The following UBAP1 variants were observed in gnomAD, a reference collection of about 807,000 sequenced individuals.
UBAP1 encodes ubiquitin associated protein 1.
A neutral mutation model predicts 39.0 loss-of-function variants in UBAP1; 5 were observed. That is an observed-to-expected ratio of 0.13 (90% CI 0.07 to 0.27). The LOEUF (loss-of-function observed/expected upper bound fraction) is 0.27. Ranked by LOEUF, UBAP1 falls within the 10% of genes least tolerant of loss-of-function variation. UBAP1 has a pLI of 1.00. For missense variants in UBAP1, 490 were observed against 608.1 expected (o/e 0.81, Z 2.04); for synonymous variants, 211 against 225.1 (o/e 0.94, Z 0.56).
At chr9:34,202,624 CGTGT>C (rs56012034) in intron 1 of UBAP1, among the ~76,000 whole-genome samples, 10,152 of 106,998 alleles carry the variant, frequency 0.095, 537 homozygotes, top group Non-Finnish European at 0.1. Flanking sequence ...TAGACAGAAA[CGTGT>C]GTGTGTGTGT....
chr9:34,189,704 T>A (rs565106999), intron 1 of UBAP1, among the ~76,000 whole-genome samples: 1 of 152,214 alleles, frequency 6.6e-6, no homozygotes, highest in East Asian at 1.9e-4. Flanking sequence ...TGGTACAATC[T>A]TGGCTTACTG....
At chr9:34,180,161 C>G (rs1423697505) in intron 1 of UBAP1, among the ~76,000 whole-genome samples, 1 of 152,140 alleles carries the variant, frequency 6.6e-6, no homozygotes, top group Admixed American at 6.6e-5. Flanking sequence ...GTGGGAAAAA[C>G]AAGATACTTA....
At chr9:34,182,671 C>CTTTCTTTT (rs1421937903) in intron 1 of UBAP1, among the ~76,000 whole-genome samples, 1 of 87,946 alleles carries the variant, frequency 1.1e-5, no homozygotes, top group African/African-American at 4.3e-5. Context: ...TTCTTTCTTT[C>CTTTCTTTT]TTTCTTTCTT....
At chr9:34,217,048 C>T (rs1832362926) in intron 1 of UBAP1, among the ~76,000 whole-genome samples, 1 of 152,042 alleles carries the variant, frequency 6.6e-6, no homozygotes, top group Non-Finnish European at 1.5e-5. Context: ...ACCTCTCCGG[C>T]CTCTGGTAAT....
chr9:34,192,070 C>T (rs1353952914), intron 1 of UBAP1, among the ~76,000 whole-genome samples: 3 of 150,506 alleles, frequency 2.0e-5, no homozygotes, highest in African/African-American at 7.3e-5. Context: ...TCTCTAATTC[C>T]TGACCTCAAG....
intron 1 of UBAP1, among the ~76,000 whole-genome samples, chr9:34,198,715 C>T (rs895736000): frequency 6.6e-6 from 1 of 152,142 alleles, no homozygotes; most frequent in Non-Finnish European, 1.5e-5. Flanking sequence ...CCATTTCTTC[C>T]CTATGAGGCA....
chr9:34,237,450 A>G (rs935955425), intron 3 of UBAP1, among the ~76,000 whole-genome samples: 4 of 152,202 alleles, frequency 2.6e-5, no homozygotes, highest in Admixed American at 6.5e-5. Context: ...TTTATCTTCC[A>G]AAGTCTATAT....
At chr9:34,194,969 A>G (rs1830940255) in intron 1 of UBAP1, among the ~76,000 whole-genome samples, 2 of 152,166 alleles carry the variant, frequency 1.3e-5, no homozygotes, top group South Asian at 2.1e-4. Context: ...TACGTAACCT[A>G]GTAAGTTGCA....
At chr9:34,251,242 T>C in intron 6 of UBAP1, 150 bp from the exon 7 acceptor site, 1 of 817,254 alleles carries the variant, frequency 1.2e-6, no homozygotes, top group Non-Finnish European at 1.9e-6. Flanking sequence ...CTCTGCTTGC[T>C]AGGGGACCTT....
At chr9:34,201,289 A>G (rs1831354732) in intron 1 of UBAP1, 2 of 152,120 alleles carry the variant, frequency 1.3e-5, no homozygotes, top group African/African-American at 4.8e-5. Context: ...CATGCCTGTA[A>G]TCCTAGCACT....
intron 3 of UBAP1, among the ~76,000 whole-genome samples, chr9:34,235,614 C>G (rs28863479): frequency 6.6e-6 from 1 of 152,158 alleles, no homozygotes; most frequent in African/African-American, 2.4e-5. Flanking sequence ...GCTGGAATTA[C>G]AGGCGTGAGC....
chr9:34,234,453 C>T, intron 3 of UBAP1, 113 bp downstream of exon 3: 1 of 1,214,730 alleles, frequency 8.2e-7, no homozygotes. Context: ...ATGTTTTGGT[C>T]AACGATGGAC....
At chr9:34,237,499 T>C (rs1278953020) in intron 3 of UBAP1, among the ~76,000 whole-genome samples, 4 of 152,164 alleles carry the variant, frequency 2.6e-5, no homozygotes, top group Admixed American at 1.3e-4. Flanking sequence ...CAGTTACTTT[T>C]GGGAGAAAAA....
At chr9:34,214,565 C>G (rs563080959) in intron 1 of UBAP1, among the ~76,000 whole-genome samples, 1 of 152,300 alleles carries the variant, frequency 6.6e-6, no homozygotes, top group South Asian at 2.1e-4. Context: ...AAAAACCCTT[C>G]TAGACATTGG....
At chr9:34,181,066 T>G (rs1335419492) in intron 1 of UBAP1, among the ~76,000 whole-genome samples, 1 of 150,870 alleles carries the variant, frequency 6.6e-6, no homozygotes, top group Non-Finnish European at 1.5e-5. Context: ...GGCCTTGGTC[T>G]CCGAAAGTGC....
intron 2 of UBAP1, among the ~76,000 whole-genome samples, chr9:34,221,805 A>T (rs1832775707): frequency 6.6e-6 from 1 of 151,428 alleles, no homozygotes; most frequent in African/African-American, 2.4e-5. Context: ...GGAATACAAT[A>T]ATAAACTACT....
In UBAP1 at chr9:34,218,250, C is replaced by CAAAAAAAAAAAAAA. The variant is rs758443973; in HGVS notation, c.-7-2627_-7-2614dup. On this transcript the variant is annotated intron_variant, in intron 1 of 6. Coordinates refer to ENST00000297661, the MANE Select transcript of UBAP1 (RefSeq NM_016525.5). ...CTGGTGACAGAGCGAGACTCCATCT[C>CAAAAAAAAAAAAAA]AAAAAAAAAAAAAAAAAAAAAAAAA... 6.1e-5 allele frequency among the ~76,000 whole-genome samples: 3 copies of CAAAAAAAAAAAAAA among 49,524 alleles called. 1 individual carries two copies. Among genetic ancestry groups the CAAAAAAAAAAAAAA allele is most frequent in the African/African-American group, 1.9e-4 (2 of 10,620 alleles). 32.5% of individuals were successfully genotyped at this position (49,524 alleles called of 152,430 possible).
intron 4 of UBAP1, among the ~76,000 whole-genome samples, chr9:34,245,857 A>G (rs1366990156): frequency 6.9e-6 from 1 of 144,536 alleles, no homozygotes; most frequent in Non-Finnish European, 1.5e-5. Context: ...TCCCTTCATT[A>G]TCTTTCCACA....
chr9:34,192,242 C>T (rs1830768492), intron 1 of UBAP1, among the ~76,000 whole-genome samples: 2 of 151,488 alleles, frequency 1.3e-5, no homozygotes, highest in Admixed American at 1.3e-4. Flanking sequence ...TCAGGCCAGG[C>T]GCGGTGGCTC....
Sources: gnomAD v4.1 joint callset for allele counts (sites outside exome capture counted in the v4.1 genomes callset) on GRCh38, gnomAD v4.1.1 for gene constraint, MANE v1.5 for transcripts, NCBI Gene and HGNC (gene_info 2026-07-23, HGNC 2026-07-21) for gene names.